The following HGD variants were observed in gnomAD, a reference collection of about 807,000 sequenced individuals.
HGD encodes homogentisate oxidase.
Under a neutral mutation model 60.8 loss-of-function variants are expected in HGD, and 61 were observed. That is an observed-to-expected ratio of 1.00 (90% confidence interval 0.82 to 1.24). The LOEUF (loss-of-function observed/expected upper bound fraction) is 1.24. Ranked by LOEUF, HGD falls within the 50% of genes most tolerant of loss-of-function variation. HGD has a pLI of 0.00. For missense variants in HGD, 542 were observed against 547.1 expected, an observed-to-expected ratio of 0.99 and a Z score of 0.09; for synonymous variants, 212 against 187.7, an observed-to-expected ratio of 1.13 and a Z score of -1.06.
Position 120,643,166 on chromosome 3 carries a change from C to T in HGD, c.774+1153G>A, listed in dbSNP as rs985898767. Among the ~76,000 whole-genome samples, 3 of 152,136 alleles carry T rather than the reference C, an allele frequency of 2.0e-5. No individual in the cohort carries two copies. The East Asian group carries it at 5.8e-4, about 29-fold the overall frequency. On this transcript the variant is annotated intron_variant, in intron 10 of 13. Coordinates refer to ENST00000283871, the MANE Select transcript of HGD (RefSeq NM_000187.4). ...TGAGAGGGAGTCTTGCTCTGTCGCCCGGGCTGGAGTGCAATGGCATGATCT... is the reference window on the plus strand; with the variant it reads ...TGAGAGGGAGTCTTGCTCTGTCGCCTGGGCTGGAGTGCAATGGCATGATCT...
intron 5 of HGD, among the ~76,000 whole-genome samples, chr3:120,652,181 A>C (rs1941361115): frequency 6.6e-6 from 1 of 152,138 alleles, no homozygotes; most frequent in Non-Finnish European, 1.5e-5. Context: ...ATTTGTTTTT[A>C]ATAGTATTTT....
At chr3:120,641,510 T>G in intron 11 of HGD, 79 bp downstream of exon 11, 3 of 869,408 alleles carry the variant, frequency 3.5e-6, no homozygotes, top group Non-Finnish European at 6.0e-6. Context: ...GTTAGATCTG[T>G]AAATGTCAGG....
intron 8 of HGD, among the ~76,000 whole-genome samples, 154 bp from the exon 9 acceptor site, chr3:120,646,520 AT>A (rs1022709530): frequency 6.6e-6 from 1 of 152,112 alleles, no homozygotes; most frequent in African/African-American, 2.4e-5. Flanking sequence ...GAAAAACTGA[AT>A]TTTTTTAAAA....
intron 10 of HGD, 52 bp from the exon 11 acceptor site, chr3:120,641,745 C>G: frequency 8.5e-7 from 1 of 1,173,056 alleles, no homozygotes. Flanking sequence ...GCTTTTGTAG[C>G]TGTGATCCCA....
chr3:120,633,318 C>T lies in HGD; in HGVS notation c.1017G>A (p.Met339Ile). 6.2e-7 allele frequency: 1 copy of T among 1,614,186 alleles called. No individual in the cohort carries two copies. Among genetic ancestry groups the T allele is most frequent in the South Asian group, 1.1e-5 (1 of 91,086 alleles). ...FRPPYYHRNCMSEFMGLIRGH... is the reference protein window; with the variant it reads ...FRPPYYHRNCISEFMGLIRGH... ...CTCGGATGAGTCCCATGAACTCACT[C>T]ATGCAGTTCCCTGGGAAGGTTGAAG... The change falls in exon 13 of 14, where the codon ATG (methionine) becomes ATA (isoleucine). Residue 339 changes from methionine (M) to isoleucine (I), a missense_variant. This residue lies in a region of HGD where 537 missense variants were observed against 529.1 expected (regional missense o/e 1.01). Transcript: ENST00000283871.
At chr3:120,640,927 A>G (rs1248993571) in intron 11 of HGD, among the ~76,000 whole-genome samples, 1 of 152,042 alleles carries the variant, frequency 6.6e-6, no homozygotes, top group Non-Finnish European at 1.5e-5. Context: ...TTATGAAGTG[A>G]GCTGCAAAAT....
Position 120,646,799 on chromosome 3 carries a change from G to T in HGD, c.549+174C>A, listed in dbSNP as rs557466315. On this transcript the variant is annotated intron_variant, in intron 8 of 13. Coordinates refer to ENST00000283871, the MANE Select transcript of HGD (RefSeq NM_000187.4). ...TTATGTGCTATATTAAAAGAAAGCAGGCACCCAAGCTTGCTTACTCTTCAG... is the reference window on the plus strand; with the variant it reads ...TTATGTGCTATATTAAAAGAAAGCATGCACCCAAGCTTGCTTACTCTTCAG... Among the ~76,000 whole-genome samples, 6 of 152,294 alleles carry T rather than the reference G, an allele frequency of 3.9e-5. No individual in the cohort carries two copies. The South Asian group carries it at 1.2e-3, about 32-fold the overall frequency.
intron 5 of HGD, among the ~76,000 whole-genome samples, chr3:120,651,980 CA>C (rs1302556583): frequency 3.3e-5 from 5 of 151,942 alleles, no homozygotes; most frequent in Non-Finnish European, 5.9e-5. Context: ...TGAATGTAGG[CA>C]AAAAACCACA....
At chr3:120,652,484 G>C in intron 5 of HGD, 108 bp downstream of exon 5, 1 of 811,010 alleles carries the variant, frequency 1.2e-6, no homozygotes. Context: ...TGTCTCTGCT[G>C]CCTCCTGATA....
intron 1 of HGD, chr3:120,678,121 G>A (rs1431660884): frequency 6.6e-6 from 1 of 152,148 alleles, no homozygotes; most frequent in Non-Finnish European, 1.5e-5. Flanking sequence ...AAAATACTAA[G>A]TTGTATACTG....
intron 4 of HGD, among the ~76,000 whole-genome samples, chr3:120,667,759 T>C (rs1467190251): frequency 6.6e-6 from 1 of 152,210 alleles, no homozygotes; most frequent in Non-Finnish European, 1.5e-5. Context: ...ACTGATTTGA[T>C]TGCTATCTTG....
Position 120,644,675 on chromosome 3 carries a change from C to G in HGD, c.650-232G>C. 5.6e-6 allele frequency: 8 copies of G among 1,431,330 alleles called. No individual in the cohort carries two copies. In the South Asian group the frequency reaches 7.4e-5, roughly 13 times the overall value. The allele number at this position is 1,431,330 out of a possible 1,614,324, so 88.7% of individuals were successfully genotyped here. On this transcript the variant is annotated intron_variant, in intron 9 of 13. Coordinates refer to ENST00000283871, the MANE Select transcript of HGD (RefSeq NM_000187.4). ...ATTACTTTCTAAGGTTGTGGAGTGA[C>G]TATGGTTAACAAAACAATCTTATAT...
intron 12 of HGD, among the ~76,000 whole-genome samples, chr3:120,636,544 G>A (rs1224915280): frequency 6.6e-6 from 1 of 152,124 alleles, no homozygotes; most frequent in Non-Finnish European, 1.5e-5. Flanking sequence ...TATAAGCCAG[G>A]GCAATTTTCT....
At chr3:120,675,534 A>G (rs1315355718) in intron 2 of HGD, among the ~76,000 whole-genome samples, 2 of 152,064 alleles carry the variant, frequency 1.3e-5, no homozygotes, top group African/African-American at 4.8e-5. Flanking sequence ...ATTCTCTTTA[A>G]CTCTGGATTT....
intron 9 of HGD, 173 bp from the exon 10 acceptor site, chr3:120,644,616 G>C: frequency 6.5e-7 from 1 of 1,532,034 alleles, no homozygotes; most frequent in Non-Finnish European, 8.7e-7. Flanking sequence ...AAGACCCAAG[G>C]AATCTGGTCA....
At chr3:120,677,519 AT>A (rs1708154107) in intron 1 of HGD, among the ~76,000 whole-genome samples, 1 of 152,166 alleles carries the variant, frequency 6.6e-6, no homozygotes, top group South Asian at 2.1e-4. Flanking sequence ...CGCCTAATAA[AT>A]TTTGGTCAGA....
In HGD at chr3:120,635,686, C is replaced by A. The variant is rs146545115; in HGVS notation, c.1007-2358G>T. ...CTGGGGTTCTGTGGTTTTTTCCCAA[C>A]GAACTCAGGGTACCCATACCTTTAT... On this transcript the variant is annotated intron_variant, in intron 12 of 13. Coordinates refer to ENST00000283871, the MANE Select transcript of HGD (RefSeq NM_000187.4). 2.3e-3 allele frequency among the ~76,000 whole-genome samples: 351 copies of A among 152,088 alleles called. 1 individual carries two copies. Among genetic ancestry groups the A allele is most frequent in the African/African-American group, 8.0e-3 (330 of 41,496 alleles).
At position 120,654,331 on chromosome 3, in the gene HGD, A is replaced by T. The variant is rs560670805; in HGVS notation, c.283-1680T>A. Reference sequence around the variant, plus strand: ...GGCCACTCATGAGAATCACATGGAGAGCCTTTGAGACCAAGACCAAATTAA... The same window carrying T: ...GGCCACTCATGAGAATCACATGGAGTGCCTTTGAGACCAAGACCAAATTAA... On this transcript the variant is annotated intron_variant, in intron 4 of 13. Transcript: ENST00000283871. 2.6e-5 allele frequency among the ~76,000 whole-genome samples: 4 copies of T among 152,320 alleles called. No individual in the cohort carries two copies. The South Asian group carries it at 8.3e-4, about 32-fold the overall frequency.
At chr3:120,669,270 A>C (rs181716971) in intron 4 of HGD, among the ~76,000 whole-genome samples, 1 of 152,212 alleles carries the variant, frequency 6.6e-6, no homozygotes, top group Non-Finnish European at 1.5e-5. Flanking sequence ...TTAAAAACAA[A>C]AAAAAAACCA....
Sources: gnomAD v4.1 joint callset for allele counts (sites outside exome capture counted in the v4.1 genomes callset) on GRCh38, gnomAD v4.1.1 for gene constraint, gnomAD v4.1.1 regional missense constraint, MANE v1.5 for transcripts, NCBI Gene and HGNC (gene_info 2026-07-23, HGNC 2026-07-21) for gene names.